The following TRAPPC3 variants were observed in gnomAD, a reference collection of about 807,000 sequenced individuals.
TRAPPC3 encodes trafficking protein particle complex 3.
In TRAPPC3, 5 loss-of-function variants were observed where a neutral mutation model predicts 18.2. The ratio of observed to expected loss-of-function variants is 0.28; its 90% CI spans 0.14 to 0.58. The LOEUF is 0.58. Among genes scored for constraint, TRAPPC3 ranks in the 20% least tolerant of loss-of-function variants. TRAPPC3 has a pLI of 0.91. For synonymous variants in TRAPPC3, 65 were observed against 84.2 expected, an observed-to-expected ratio of 0.77 and a Z score of 1.25; for missense variants, 176 against 225.9, an observed-to-expected ratio of 0.78 and a Z score of 1.41.
At chr1:36,147,215 C>A (rs974114507) in intron 1 of TRAPPC3, among the ~76,000 whole-genome samples, 1 of 151,830 alleles carries the variant, frequency 6.6e-6, no homozygotes, top group African/African-American at 2.4e-5. Context: ...CCTAGCTACT[C>A]GGGAGGCTGA....
chr1:36,149,666 A>AT (rs1030661455), upstream of TRAPPC3, among the ~76,000 whole-genome samples: 1 of 152,218 alleles, frequency 6.6e-6, no homozygotes, highest in African/African-American at 2.4e-5. Flanking sequence ...TGCCTGGTAG[A>AT]GCCCAGCTTG....
chr1:36,146,229 C>A (rs1241953164), intron 1 of TRAPPC3, among the ~76,000 whole-genome samples: 1 of 151,742 alleles, frequency 6.6e-6, no homozygotes, highest in African/African-American at 2.4e-5. Flanking sequence ...CAGGTGTGCA[C>A]CACCACACCC....
chr1:36,137,459 C>T (rs1570079748), intron 4 of TRAPPC3, 137 bp from the exon 5 acceptor site: 6 of 863,016 alleles, frequency 7.0e-6, no homozygotes, highest in Admixed American at 2.8e-5. Flanking sequence ...AGATTGACAG[C>T]GCCAACATTC....
At chr1:36,138,289 G>A in intron 3 of TRAPPC3, 3 of 1,532,510 alleles carry the variant, frequency 2.0e-6, no homozygotes, top group Non-Finnish European at 2.6e-6. Flanking sequence ...ACTTCTCAGT[G>A]GAAGGGAGCA....
chr1:36,146,706 T>C (rs1644207235), intron 1 of TRAPPC3, among the ~76,000 whole-genome samples: 1 of 151,326 alleles, frequency 6.6e-6, no homozygotes, highest in Admixed American at 6.6e-5. Flanking sequence ...GTGCAGGCGG[T>C]ACTACACCTC....
chr1:36,146,041 G>A (rs533448236), intron 1 of TRAPPC3, among the ~76,000 whole-genome samples: 21 of 152,180 alleles, frequency 1.4e-4, no homozygotes, highest in Non-Finnish European at 2.2e-4. Context: ...GCCTCCCAAA[G>A]TGCTGGGATT....
intron 1 of TRAPPC3, among the ~76,000 whole-genome samples, chr1:36,143,532 A>T (rs1644147768): frequency 6.6e-6 from 1 of 152,200 alleles, no homozygotes; most frequent in Non-Finnish European, 1.5e-5. Flanking sequence ...TGTGACTTTT[A>T]AAACAAAAGT....
intron 2 of TRAPPC3, 73 bp downstream of exon 2, chr1:36,139,996 C>A: frequency 6.8e-7 from 1 of 1,471,136 alleles, no homozygotes; most frequent in Admixed American, 2.2e-5. Context: ...CTGTTTTAAG[C>A]TCTAAAGGAC....
intron 4 of TRAPPC3, 95 bp from the exon 5 acceptor site, chr1:36,137,417 C>A: frequency 1.5e-6 from 2 of 1,320,196 alleles, no homozygotes; most frequent in African/African-American, 3.0e-5. Flanking sequence ...CCACAGCATC[C>A]AAAAAAGGGG....
intron 4 of TRAPPC3, 193 bp downstream of exon 4, chr1:36,137,603 A>T: frequency 1.5e-6 from 1 of 674,264 alleles, no homozygotes; most frequent in Non-Finnish European, 2.5e-6. Context: ...ACCACCTTCC[A>T]CCAGCCTGGT....
chr1:36,154,877 G>A (rs896491170), intron 1 of TRAPPC3, among the ~76,000 whole-genome samples: 5 of 152,170 alleles, frequency 3.3e-5, no homozygotes, highest in Non-Finnish European at 7.4e-5. Flanking sequence ...CTTTTCTAAT[G>A]TTTTTGGGCC....
At chr1:36,154,036 A>C (rs992314879), upstream of TRAPPC3, among the ~76,000 whole-genome samples, 3 of 151,936 alleles carry the variant, frequency 2.0e-5, no homozygotes, top group African/African-American at 7.3e-5. Flanking sequence ...GCAGGGTCTC[A>C]TTCTGTTGCT....
rs780808695 is a variant in TRAPPC3, at chr1:36,137,903, T to C, written c.316A>G (p.Ile106Val). Residue 106 changes from isoleucine (I) to valine (V), a missense_variant, in exon 4 of 5, where the codon ATT (isoleucine) becomes GTT (valine). This residue lies in a region of TRAPPC3 where 147 missense variants were observed against 164.3 expected (regional missense o/e 0.89). Transcript: ENST00000373166. ...TCCACCAAGGGGTTATTTTCCAAAATGAGGGAGAATTCATCACCAGCTGGG... is the reference window on the plus strand; with the variant it reads ...TCCACCAAGGGGTTATTTTCCAAAACGAGGGAGAATTCATCACCAGCTGGG... ...WSPAGDEFSL[I>V]LENNPLVDFV... The C allele has an allele frequency of 2.5e-5, 40 of 1,614,042 alleles. No individual in the cohort carries two copies. Among genetic ancestry groups the C allele is most frequent in the Middle Eastern group, 3.3e-4 (2 of 6,084 alleles).
intron 1 of TRAPPC3, 154 bp from the exon 2 acceptor site, chr1:36,140,320 G>A: frequency 2.0e-6 from 1 of 512,716 alleles, no homozygotes; most frequent in Non-Finnish European, 3.3e-6. Context: ...AGGAAATTTG[G>A]CCTGCAAGGT....
intron 4 of TRAPPC3, chr1:36,137,588 A>C: frequency 1.5e-6 from 1 of 650,352 alleles, no homozygotes; most frequent in Non-Finnish European, 2.6e-6. Flanking sequence ...TTGGGGACTG[A>C]CAGCACCACC....
At chr1:36,148,740 T>A (rs983052442) in intron 1 of TRAPPC3, among the ~76,000 whole-genome samples, 1 of 152,196 alleles carries the variant, frequency 6.6e-6, no homozygotes, top group South Asian at 2.1e-4. Flanking sequence ...CACCACTCAC[T>A]GCTTACTCTG....
intron 1 of TRAPPC3, among the ~76,000 whole-genome samples, chr1:36,142,078 T>C (rs1273486880): frequency 1.3e-5 from 2 of 150,656 alleles, no homozygotes; most frequent in Admixed American, 6.6e-5. Context: ...ACCTATCCAC[T>C]CTTCCCCACA....
At chr1:36,149,598 T>TGG (rs775253100), upstream of TRAPPC3, 45 of 611,784 alleles carry the variant, frequency 7.4e-5, no homozygotes, top group Non-Finnish European at 5.8e-5. Flanking sequence ...ACAGCCCCTT[T>TGG]GGCAGCACCG....
At chr1:36,146,296 C>G (rs1393990574) in intron 1 of TRAPPC3, among the ~76,000 whole-genome samples, 2 of 108,692 alleles carry the variant, frequency 1.8e-5, no homozygotes, top group Non-Finnish European at 4.3e-5. Flanking sequence ...CCAGGATGGT[C>G]TCTCTTTTTT....
Sources: gnomAD v4.1 joint callset for allele counts (sites outside exome capture counted in the v4.1 genomes callset) on GRCh38, gnomAD v4.1.1 for gene constraint, gnomAD v4.1.1 regional missense constraint, MANE v1.5 for transcripts, NCBI Gene and HGNC (gene_info 2026-07-23, HGNC 2026-07-21) for gene names.